CSMD1: variants seen among roughly 807,000 people sequenced by gnomAD.
CSMD1 encodes the protein CUB and Sushi multiple domains 1.
CSMD1 carries 213 observed loss-of-function variants against 417.5 expected under a neutral mutation model. The observed-to-expected ratio is 0.51, with a 90% CI of 0.46 to 0.57. CSMD1 has a LOEUF of 0.57. Ranked by LOEUF, CSMD1 falls within the 20% of genes least tolerant of loss-of-function variation. CSMD1 has a pLI of 0.00. For synonymous variants in CSMD1, 2,862 were observed against 1,736.8 expected (o/e 1.65, Z -16.11); for missense variants, 6,923 against 4,529.7 (o/e 1.53, Z -15.17).
chr8:4,218,389 C>G (rs1158135126), intron 3 of CSMD1, among the ~76,000 whole-genome samples: 2 of 152,146 alleles, frequency 1.3e-5, no homozygotes, highest in African/African-American at 2.4e-5. Context: ...TTAAACTTTT[C>G]TCTATCTCAA....
At chr8:3,931,649 CA>C (rs1424598856) in intron 5 of CSMD1, among the ~76,000 whole-genome samples, 3 of 149,606 alleles carry the variant, frequency 2.0e-5, no homozygotes, top group African/African-American at 7.4e-5. Flanking sequence ...GATGTCTTTT[CA>C]CCTTGTATAG....
chr8:4,333,786 C>T (rs1204769457), intron 3 of CSMD1, among the ~76,000 whole-genome samples: 2 of 152,076 alleles, frequency 1.3e-5, no homozygotes, highest in African/African-American at 2.4e-5. Flanking sequence ...CCTGGGTCTG[C>T]CCCTGGAAAC....
Position 3,128,565 on chromosome 8 carries a change from G to C in CSMD1, c.6242-9978C>G, listed in dbSNP as rs367852639. On this transcript the variant is annotated intron_variant, in intron 41 of 69. Coordinates refer to ENST00000635120, the MANE Select transcript of CSMD1 (RefSeq NM_033225.6). ...CTTCTAAATCTCAAGTAGAACCTAG[G>C]AATGTTTATTTGACTTACATATCAG... 852 of 275,014 alleles carry C rather than the reference G, an allele frequency of 3.1e-3. 26 individuals are homozygous for C. The highest frequency in any genetic ancestry group is 0.026 in the South Asian group (712 of 27,494). 17.0% of individuals were successfully genotyped at this position (275,014 alleles called of 1,614,324 possible).
chr8:4,392,810 A>G (rs763177267), intron 3 of CSMD1, among the ~76,000 whole-genome samples: 8 of 151,782 alleles, frequency 5.3e-5, no homozygotes, highest in Non-Finnish European at 2.9e-5. Flanking sequence ...TCTAGTAAAA[A>G]TACAAATATT....
chr8:3,397,342 T>C (rs1811765622), intron 16 of CSMD1, among the ~76,000 whole-genome samples: 1 of 152,160 alleles, frequency 6.6e-6, no homozygotes, highest in African/African-American at 2.4e-5. Context: ...GAAGCAATCT[T>C]AGCCTCATGG....
chr8:4,227,286 C>G (rs1009924927), intron 3 of CSMD1, among the ~76,000 whole-genome samples: 1 of 152,110 alleles, frequency 6.6e-6, no homozygotes, highest in Non-Finnish European at 1.5e-5. Context: ...CATATCCCCT[C>G]GGTCTGCCTT....
chr8:3,747,778 C>G (rs1003307245), intron 6 of CSMD1, among the ~76,000 whole-genome samples: 1 of 151,770 alleles, frequency 6.6e-6, no homozygotes, highest in Non-Finnish European at 1.5e-5. Flanking sequence ...AGATTTCCAC[C>G]AATAGTGCAA....
At chr8:3,157,857 T>C in intron 39 of CSMD1, 40 bp downstream of exon 39, 1 of 1,482,214 alleles carries the variant, frequency 6.7e-7, no homozygotes, top group Non-Finnish European at 9.2e-7. Context: ...TTCTTCCCAG[T>C]GTGTGCGCAG....
At chr8:4,250,478 G>C (rs942611045) in intron 3 of CSMD1, among the ~76,000 whole-genome samples, 3 of 152,098 alleles carry the variant, frequency 2.0e-5, no homozygotes, top group African/African-American at 4.8e-5. Context: ...ACGTGACTTG[G>C]TATTCTGAGT....
intron 2 of CSMD1, among the ~76,000 whole-genome samples, chr8:4,420,820 G>T (rs553797324): frequency 5.5e-4 from 83 of 152,252 alleles, no homozygotes; most frequent in African/African-American, 1.9e-3. Context: ...CCACATTCTG[G>T]TAAGTAGCTT....
At chr8:4,546,195 G>A (rs936315413) in intron 2 of CSMD1, among the ~76,000 whole-genome samples, 2 of 152,128 alleles carry the variant, frequency 1.3e-5, no homozygotes, top group Non-Finnish European at 2.9e-5. Context: ...TTATATCTAC[G>A]GGCCTTGGCC....
intron 2 of CSMD1, among the ~76,000 whole-genome samples, chr8:4,624,930 G>C (rs776891425): frequency 2.0e-5 from 3 of 152,100 alleles, no homozygotes; most frequent in Non-Finnish European, 2.9e-5. Flanking sequence ...GTGTGCTCCT[G>C]GTAGAGAACA....
At chr8:2,969,415 T>G (rs2128930781) in intron 57 of CSMD1, among the ~76,000 whole-genome samples, 1 of 152,284 alleles carries the variant, frequency 6.6e-6, no homozygotes, top group East Asian at 1.9e-4. Flanking sequence ...AGCCTATGAT[T>G]AAAAGACTAG....
intron 3 of CSMD1, among the ~76,000 whole-genome samples, chr8:4,298,912 A>G (rs1797830608): frequency 1.3e-5 from 2 of 152,144 alleles, no homozygotes; most frequent in African/African-American, 2.4e-5. Flanking sequence ...ATATATGTAT[A>G]TATACACACA....
chr8:3,970,568 A>G (rs1813010108), intron 5 of CSMD1, among the ~76,000 whole-genome samples: 1 of 152,182 alleles, frequency 6.6e-6, no homozygotes, highest in Admixed American at 6.5e-5. Context: ...TTGCAACGGA[A>G]ATGTTGTTAA....
intron 1 of CSMD1, among the ~76,000 whole-genome samples, chr8:4,748,663 G>T (rs1001053894): frequency 8.5e-5 from 13 of 152,136 alleles, no homozygotes; most frequent in African/African-American, 3.1e-4. Context: ...TAAATTTTTA[G>T]TCTAAAATTC....
At chr8:4,018,926 A>G (rs561545058) in intron 4 of CSMD1, among the ~76,000 whole-genome samples, 10 of 152,212 alleles carry the variant, frequency 6.6e-5, no homozygotes, top group South Asian at 2.1e-4. Flanking sequence ...GTTAATAACA[A>G]GAACATACGT....
At chr8:4,420,475 T>A (rs1186829380) in intron 2 of CSMD1, among the ~76,000 whole-genome samples, 6 of 152,086 alleles carry the variant, frequency 3.9e-5, no homozygotes, top group African/African-American at 1.4e-4. Context: ...TCTCAACCCA[T>A]CACGTCGGTA....
At chr8:3,503,175 G>C (rs569249817) in intron 10 of CSMD1, among the ~76,000 whole-genome samples, 2 of 152,198 alleles carry the variant, frequency 1.3e-5, no homozygotes, top group African/African-American at 4.8e-5. Flanking sequence ...CTAGAAAAAA[G>C]TACTTTGAAC....
Sources: allele counts gnomAD v4.1 joint callset (sites outside exome capture counted in the v4.1 genomes callset), GRCh38; gene constraint gnomAD v4.1.1; transcripts MANE v1.5; gene names NCBI Gene and HGNC (gene_info 2026-07-23, HGNC 2026-07-21).